Variants in CCDC102B observed in about 807,000 individuals in gnomAD.
CCDC102B encodes coiled-coil domain-containing protein 102B.
In CCDC102B, 75 loss-of-function variants were observed where a neutral mutation model predicts 57.4. The ratio of observed to expected loss-of-function variants is 1.31; its 90% CI spans 1.08 to 1.58. The LOEUF is 1.58. CCDC102B is among the 40% of genes most tolerant of loss of function. The pLI, the probability that CCDC102B is intolerant of heterozygous loss-of-function variation, is 0.00. For synonymous variants in CCDC102B, 206 were observed against 201.9 expected (o/e 1.02, Z -0.17); for missense variants, 636 against 582.6 (o/e 1.09, Z -0.94).
At chr18:68,748,115 G>A (rs959364761) in intron 2 of CCDC102B, among the ~76,000 whole-genome samples, 8 of 151,814 alleles carry the variant, frequency 5.3e-5, no homozygotes, top group Non-Finnish European at 8.8e-5. Flanking sequence ...GATAATTAGT[G>A]ATGTTGAGCA....
At chr18:68,800,887 A>G (rs1294339794) in intron 1 of CCDC102B, among the ~76,000 whole-genome samples, 1 of 152,204 alleles carries the variant, frequency 6.6e-6, no homozygotes, top group East Asian at 1.9e-4. Flanking sequence ...GTTTTCCTTC[A>G]TATATCCAAA....
At chr18:68,725,059 C>T (rs763057433) in intron 2 of CCDC102B, among the ~76,000 whole-genome samples, 12 of 152,146 alleles carry the variant, frequency 7.9e-5, no homozygotes, top group East Asian at 7.7e-4. Flanking sequence ...GAGAGAGAAG[C>T]GGTGCCGAGT....
chr18:68,969,837 A>C (rs1044492042), intron 6 of CCDC102B, among the ~76,000 whole-genome samples: 1 of 152,120 alleles, frequency 6.6e-6, no homozygotes, highest in Non-Finnish European at 1.5e-5. Context: ...TTAACCAATA[A>C]TTTCAGAAGC....
intron 6 of CCDC102B, among the ~76,000 whole-genome samples, chr18:68,975,496 G>A (rs2050410393): frequency 6.6e-6 from 1 of 152,108 alleles, no homozygotes; most frequent in Middle Eastern, 3.4e-3. Flanking sequence ...TGTCTCCAAT[G>A]ATTGTTATAG....
chr18:68,716,164 G>T (rs932122317), intron 1 of CCDC102B, among the ~76,000 whole-genome samples: 11 of 150,824 alleles, frequency 7.3e-5, no homozygotes, highest in Middle Eastern at 3.2e-3. Flanking sequence ...TAAGGGGACT[G>T]TTGAAATGAT....
chr18:69,016,839 A>T (rs780712087), intron 7 of CCDC102B, among the ~76,000 whole-genome samples: 1 of 152,098 alleles, frequency 6.6e-6, no homozygotes, highest in Non-Finnish European at 1.5e-5. Context: ...AAAGTTTTCT[A>T]AGTGGAATTT....
At chr18:68,720,146 T>G (rs1172978594) in intron 2 of CCDC102B, among the ~76,000 whole-genome samples, 1 of 152,164 alleles carries the variant, frequency 6.6e-6, no homozygotes, top group African/African-American at 2.4e-5. Flanking sequence ...AATAGTAAAT[T>G]AGGAATAGGA....
At chr18:68,870,281 C>G (rs1002828104) in intron 4 of CCDC102B, among the ~76,000 whole-genome samples, 2 of 152,098 alleles carry the variant, frequency 1.3e-5, no homozygotes, top group Non-Finnish European at 2.9e-5. Flanking sequence ...ATAGGTGCAG[C>G]AAACCACCAT....
chr18:68,736,240 T>C (rs1245528351), intron 2 of CCDC102B, among the ~76,000 whole-genome samples: 2 of 152,208 alleles, frequency 1.3e-5, no homozygotes, highest in Non-Finnish European at 2.9e-5. Flanking sequence ...GATGTCACTT[T>C]TCAGAATGCC....
chr18:68,790,748 G>A (rs928757516), intron 2 of CCDC102B, among the ~76,000 whole-genome samples: 2 of 152,194 alleles, frequency 1.3e-5, no homozygotes, highest in African/African-American at 2.4e-5. Flanking sequence ...CTAGTGAGAT[G>A]AACCTGGTAC....
upstream of CCDC102B, among the ~76,000 whole-genome samples, chr18:68,796,573 A>C (rs2035635454): frequency 6.6e-6 from 1 of 152,148 alleles, no homozygotes; most frequent in African/African-American, 2.4e-5. Flanking sequence ...GGCTTTATCC[A>C]GAGAGAGAAT....
intron 5 of CCDC102B, among the ~76,000 whole-genome samples, chr18:68,875,648 T>A (rs1354742226): frequency 6.6e-6 from 1 of 152,144 alleles, no homozygotes; most frequent in Non-Finnish European, 1.5e-5. Context: ...ATACAGATTT[T>A]GGAGCTAGAA....
intron 3 of CCDC102B, among the ~76,000 whole-genome samples, chr18:68,841,763 C>T (rs748894993): frequency 1.3e-4 from 20 of 152,016 alleles, no homozygotes; most frequent in Admixed American, 3.3e-4. Context: ...GAGACAGTCT[C>T]GCTCTGTTGC....
intron 4 of CCDC102B, among the ~76,000 whole-genome samples, chr18:68,850,143 T>C (rs757581635): frequency 1.3e-5 from 2 of 152,122 alleles, no homozygotes; most frequent in Non-Finnish European, 2.9e-5. Flanking sequence ...TTGGCAAGCA[T>C]CTAACTAGTT....
intron 2 of CCDC102B, among the ~76,000 whole-genome samples, chr18:68,789,880 C>G (rs894528130): frequency 6.6e-6 from 1 of 151,402 alleles, no homozygotes; most frequent in African/African-American, 2.4e-5. Context: ...TGAGGAACTG[C>G]GTTCCTTTGG....
At chr18:69,023,311 T>C (rs2051898644) in intron 7 of CCDC102B, among the ~76,000 whole-genome samples, 1 of 152,132 alleles carries the variant, frequency 6.6e-6, no homozygotes, top group African/African-American at 2.4e-5. Flanking sequence ...GTTGAGGTAA[T>C]GAAACATTTA....
At chr18:68,858,152 A>T (rs1392264994) in intron 4 of CCDC102B, among the ~76,000 whole-genome samples, 1 of 152,198 alleles carries the variant, frequency 6.6e-6, no homozygotes, top group Non-Finnish European at 1.5e-5. Flanking sequence ...CCAGGCAACA[A>T]CTGATCTATT....
intron 6 of CCDC102B, among the ~76,000 whole-genome samples, chr18:68,923,010 TA>T (rs74175339): frequency 4.6e-5 from 7 of 151,900 alleles, no homozygotes; most frequent in Admixed American, 6.6e-5. Flanking sequence ...TGGCTTGCAA[TA>T]AAAAAAATTC....
intron 6 of CCDC102B, among the ~76,000 whole-genome samples, chr18:68,962,301 G>A (rs1011093986): frequency 2.0e-5 from 3 of 152,044 alleles, no homozygotes; most frequent in Non-Finnish European, 2.9e-5. Flanking sequence ...TATATTTTGA[G>A]TCTGGTTCTC....
Sources: gnomAD v4.1 joint callset for allele counts (sites outside exome capture counted in the v4.1 genomes callset) on GRCh38, gnomAD v4.1.1 for gene constraint, MANE v1.5 for transcripts, NCBI Gene and HGNC (gene_info 2026-07-23, HGNC 2026-07-21) for gene names.